SEMA4B: variants seen among roughly 807,000 people sequenced by gnomAD.
SEMA4B encodes the protein semaphorin-4B.
A neutral mutation model predicts 88.1 loss-of-function variants in SEMA4B; 55 were observed. The observed-to-expected ratio is 0.62, with a 90% CI of 0.50 to 0.78. The LOEUF is 0.78. Among genes scored for constraint, SEMA4B ranks in the 30% least tolerant of loss-of-function variants. The pLI is 0.00. For synonymous variants in SEMA4B, 525 were observed against 473.6 expected (o/e 1.11, Z -1.41); for missense variants, 1,062 against 1,111.9 (o/e 0.96, Z 0.64).
chr15:90,227,763 A>G, intron 13 of SEMA4B, 121 bp downstream of exon 13: 4 of 1,452,792 alleles, frequency 2.8e-6, no homozygotes, highest in East Asian at 4.7e-5. Context: ...CCCTGTAAGC[A>G]GGTCCCCAGG....
chr15:90,216,778 A>G (rs1312141195), intron 1 of SEMA4B, among the ~76,000 whole-genome samples: 2 of 152,130 alleles, frequency 1.3e-5, no homozygotes, highest in Non-Finnish European at 2.9e-5. Flanking sequence ...TAGGAGGTGG[A>G]GGTTGCAGTG....
Position 90,223,916 on chromosome 15 carries a change from C to T in SEMA4B, c.1122C>T (p.Tyr374=), listed in dbSNP as rs764565647. ...KDVQRVFSGL[Y]KEVNRETQQW... is the part of the protein sequence containing the mutation. ...TGCAGAGAGTCTTCAGCGGCCTCTA[C>T]AAGGAGGTGAACCGTGAGACACAGC... The change falls in exon 9 of 14, where the codon TAC becomes TAT. Residue 374 remains tyrosine (Y), a synonymous_variant. Transcript: ENST00000411539. The T allele has an allele frequency of 6.8e-6, 11 of 1,613,890 alleles. No individual in the cohort carries two copies. Among genetic ancestry groups the T allele is most frequent in the Admixed American group, 5.0e-5 (3 of 60,016 alleles).
chr15:90,227,028 T>G (rs1310393166), intron 12 of SEMA4B, among the ~76,000 whole-genome samples: 1 of 152,200 alleles, frequency 6.6e-6, no homozygotes, highest in Non-Finnish European at 1.5e-5. Context: ...AATCTTTTTC[T>G]GAGGGTACAT....
chr15:90,223,277 A>T (rs551255275), intron 7 of SEMA4B, among the ~76,000 whole-genome samples: 2 of 152,328 alleles, frequency 1.3e-5, no homozygotes, highest in Admixed American at 6.5e-5. Flanking sequence ...TAACTCACTC[A>T]GGAACATGGC....
intron 1 of SEMA4B, chr15:90,206,882 G>A (rs1961017810): frequency 1.4e-6 from 1 of 710,254 alleles, no homozygotes; most frequent in South Asian, 1.4e-5. Context: ...AAAGTGGTTG[G>A]TTGCAGTTGT....
intron 12 of SEMA4B, 37 bp downstream of exon 12, chr15:90,225,864 C>CT (rs1231631246): frequency 1.1e-5 from 16 of 1,451,246 alleles, no homozygotes; most frequent in African/African-American, 1.4e-5. Flanking sequence ...ATCTGTCCAG[C>CT]CCTGCACAGG....
intron 12 of SEMA4B, 43 bp from the exon 13 acceptor site, chr15:90,227,514 A>G (rs375913384): frequency 2.9e-4 from 466 of 1,592,968 alleles, no homozygotes; most frequent in Middle Eastern, 2.3e-3. Flanking sequence ...ATGTGAGCTC[A>G]GGGGACTTCC....
At chr15:90,196,506 T>C (rs888437952), upstream of SEMA4B, among the ~76,000 whole-genome samples, 5 of 152,040 alleles carry the variant, frequency 3.3e-5, no homozygotes, top group African/African-American at 1.2e-4. Context: ...ACTTTTTTTT[T>C]GAGACAGAGT....
chr15:90,220,590 T>C (rs1209634327), intron 4 of SEMA4B, among the ~76,000 whole-genome samples: 2 of 151,940 alleles, frequency 1.3e-5, no homozygotes, highest in East Asian at 1.9e-4. Context: ...AGGATGGTCT[T>C]GATCTCCTGA....
In SEMA4B at chr15:90,217,496, C is replaced by T. The variant is rs185048098; in HGVS notation, c.215C>T (p.Ala72Val). 9.7e-5 allele frequency: 156 copies of T among 1,614,018 alleles called. 1 individual carries two copies. In the African/African-American group the frequency reaches 2.0e-3, roughly 20 times the overall value. Residue 72 changes from alanine to valine, a missense_variant, in exon 2 of 14, where the codon GCC (alanine) becomes GTC (valine). Ala to Val is a moderately conservative substitution (Grantham distance 64). Coordinates refer to ENST00000411539, the MANE Select transcript of SEMA4B (RefSeq NM_198925.4). ...FEAEHISNYT[A>V]LLLSRDGRTL... ...GCTGAACACATCTCCAACTACACAG[C>T]CCTTCTGCTGAGCAGGGATGGCAGG...
At chr15:90,210,718 G>T (rs1961224322) in intron 1 of SEMA4B, among the ~76,000 whole-genome samples, 1 of 147,060 alleles carries the variant, frequency 6.8e-6, no homozygotes, top group African/African-American at 2.5e-5. Flanking sequence ...GAGACTGGGG[G>T]CACAGGTACC....
At chr15:90,219,539 C>A in intron 3 of SEMA4B, 1 of 486,066 alleles carries the variant, frequency 2.1e-6, no homozygotes, top group South Asian at 2.7e-5. Context: ...ATTCTGTGCC[C>A]TCACCCCTAG....
At chr15:90,184,969 G>T (rs1960120362) in exon 1 of SEMA4B, 2 of 985,910 alleles carry the variant, frequency 2.0e-6, no homozygotes, top group South Asian at 4.7e-5. Context: ...GAGACTCCGG[G>T]TCCCCAGGGG....
rs760141547 is a variant in SEMA4B at position 90,227,284 on chromosome 15, C to T, written c.1689-273C>T. On this transcript the variant is annotated intron_variant, in intron 12 of 13. Coordinates refer to ENST00000411539, the MANE Select transcript of SEMA4B (RefSeq NM_198925.4). ...GTTGTCTTGAATTCCTGGGCTCAAG[C>T]GATCTACCGGCCTTGGCCTCCCAAA... 1.7e-4 allele frequency: 69 copies of T among 396,420 alleles called. 1 individual carries two copies. The highest frequency in any genetic ancestry group is 2.5e-4 in the Non-Finnish European group (55 of 220,516). 24.6% of individuals were successfully genotyped at this position (396,420 alleles called of 1,614,324 possible). A position where few individuals can be genotyped will look rare whatever the true frequency, so the allele number is the denominator to read the frequency against.
In SEMA4B at chr15:90,221,186, T is replaced by C. The variant is rs1961818141; in HGVS notation, c.595+93T>C. The C allele has an allele frequency of 2.6e-6, 3 of 1,138,936 alleles. No individual in the cohort carries two copies. In the East Asian group the frequency reaches 7.7e-5, roughly 29 times the overall value. The allele number at this position is 1,138,936 out of a possible 1,614,324, so 70.6% of individuals were successfully genotyped here. A position where few individuals can be genotyped will look rare whatever the true frequency, so the allele number is the denominator to read the frequency against. On this transcript the variant is annotated intron_variant, in intron 5 of 13. Coordinates refer to ENST00000411539, the MANE Select transcript of SEMA4B (RefSeq NM_198925.4). ...CTTTGGACAGGCTGAGTCCATGCCA[T>C]GCTTATTTCCAAGGGGACAGAATGG...
At chr15:90,215,673 A>C (rs1426867434) in intron 1 of SEMA4B, among the ~76,000 whole-genome samples, 5 of 151,804 alleles carry the variant, frequency 3.3e-5, no homozygotes, top group African/African-American at 7.3e-5. Context: ...TTAGCCGGGC[A>C]TGGTGGCACA....
rs776738140 is a variant in SEMA4B at position 90,219,747 on chromosome 15, G to T, written c.385-46G>T. The T allele has an allele frequency of 4.0e-6, 6 of 1,500,822 alleles. No individual in the cohort carries two copies. In the Admixed American group the frequency reaches 1.1e-4, roughly 26 times the overall value. 93.0% of individuals were successfully genotyped at this position (1,500,822 alleles called of 1,614,324 possible). On this transcript the variant is annotated intron_variant, in intron 3 of 13. Coordinates refer to ENST00000411539, the MANE Select transcript of SEMA4B (RefSeq NM_198925.4). ...GGGGGCTCGGCGGTGCCCCCTGGTG[G>T]CATGCTTGGGCGTGGGACTGATATC...
chr15:90,185,308 C>A (rs369605468), intron 1 of SEMA4B, among the ~76,000 whole-genome samples: 98 of 152,372 alleles, frequency 6.4e-4, no homozygotes, highest in South Asian at 6.4e-3. Flanking sequence ...CCCATGGCCA[C>A]CGGGGGCCTT....
At chr15:90,192,924 A>G (rs1210110418) in intron 1 of SEMA4B, among the ~76,000 whole-genome samples, 3 of 151,948 alleles carry the variant, frequency 2.0e-5, no homozygotes, top group Non-Finnish European at 2.9e-5. Context: ...TCCTATACAC[A>G]TTCTTGTGCT....
Sources: allele counts gnomAD v4.1 joint callset (sites outside exome capture counted in the v4.1 genomes callset), GRCh38; gene constraint gnomAD v4.1.1; transcripts MANE v1.5; gene names NCBI Gene and HGNC (gene_info 2026-07-23, HGNC 2026-07-21).